RASSF6: variants seen among roughly 807,000 people sequenced by gnomAD.
RASSF6 encodes ras association domain-containing protein 6.
RASSF6 carries 52 observed loss-of-function variants against 44.0 expected under a neutral mutation model. The observed-to-expected ratio is 1.18, with a 90% confidence interval of 0.95 to 1.49. RASSF6 has a LOEUF of 1.49. RASSF6 is among the 40% of genes most tolerant of loss of function. The probability of loss-of-function intolerance (pLI) is 0.00; values close to 1 mark genes in which losing one functional copy is unlikely to be tolerated. For synonymous variants in RASSF6, 162 were observed against 124.6 expected, an observed-to-expected ratio of 1.30 and a Z score of -2.00; for missense variants, 464 against 393.3, an observed-to-expected ratio of 1.18 and a Z score of -1.52.
chr4:73,620,344 T>C lies in RASSF6; in HGVS notation c.-91A>G. On this transcript the variant is annotated 5_prime_UTR_variant, in exon 1 of 11. Transcript: ENST00000307439. ...TTTCACCATCGTTGTTCGGCTGAACTTGCTTCGCGGTTTGTTCTCGGCTGG... is the reference window on the plus strand; with the variant it reads ...TTTCACCATCGTTGTTCGGCTGAACCTGCTTCGCGGTTTGTTCTCGGCTGG... The C allele has an allele frequency of 6.7e-7, 1 of 1,489,426 alleles. No homozygotes were observed. The highest frequency in any genetic ancestry group is 8.9e-7 in the Non-Finnish European group (1 of 1,123,762). 92.3% of individuals were successfully genotyped at this position (1,489,426 alleles called of 1,614,324 possible).
At chr4:73,584,069 T>C (rs1404399943) in intron 6 of RASSF6, among the ~76,000 whole-genome samples, 1 of 152,082 alleles carries the variant, frequency 6.6e-6, no homozygotes, top group African/African-American at 2.4e-5. Context: ...ACAGGACAAT[T>C]GGTAGGTACC....
At position 73,571,995 on chromosome 4, in the gene RASSF6, T is replaced by TACA. The variant is rs1218297254; in HGVS notation, c.*4237_*4239dup. 1 of 152,156 alleles carries TACA rather than the reference T, an allele frequency of 6.6e-6. No homozygotes were observed. The highest frequency in any genetic ancestry group is 1.5e-5 in the Non-Finnish European group (1 of 68,028). 9.4% of individuals were successfully genotyped at this position (152,156 alleles called of 1,614,324 possible). ...AATTGCCCCAAATTTAGCGGCGTAC[T>TACA]ACAACAAACACTTCTTATCTCATAC... On this transcript the variant is annotated 3_prime_UTR_variant, in exon 11 of 11. Transcript: ENST00000307439.
chr4:73,615,479 G>C (rs1726297164), intron 1 of RASSF6, among the ~76,000 whole-genome samples: 1 of 152,190 alleles, frequency 6.6e-6, no homozygotes, highest in Non-Finnish European at 1.5e-5. Context: ...CTAGAAGCCT[G>C]GAGGTCTTAC....
intron 1 of RASSF6, among the ~76,000 whole-genome samples, chr4:73,618,678 C>G (rs1162445348): frequency 6.6e-6 from 1 of 152,112 alleles, no homozygotes; most frequent in Admixed American, 6.6e-5. Flanking sequence ...GTTTAGAATT[C>G]TATCCACAAT....
At chr4:73,601,789 T>C (rs1386029009) in intron 2 of RASSF6, among the ~76,000 whole-genome samples, 2 of 152,236 alleles carry the variant, frequency 1.3e-5, no homozygotes, top group Non-Finnish European at 2.9e-5. Context: ...TGTATGTCTG[T>C]AACATTCTAA....
At chr4:73,615,891 C>G in intron 1 of RASSF6, 1 of 1,550,294 alleles carries the variant, frequency 6.5e-7, no homozygotes, top group South Asian at 1.2e-5. Context: ...CTGGACTTAC[C>G]AGTTGCCTTG....
Position 73,593,172 on chromosome 4 carries a change from C to T in RASSF6, c.287+279G>A, listed in dbSNP as rs193279609. 1.3e-3 allele frequency among the ~76,000 whole-genome samples: 191 copies of T among 152,084 alleles called. 1 individual carries two copies. Among genetic ancestry groups the T allele is most frequent in the African/African-American group, 4.3e-3 (178 of 41,480 alleles). The stretch of plus-strand genomic sequence containing the variant: ...CTGGGATTACAGGCGGCTGCCACCA[C>T]GCCCAGCTAATTTTTGTATTTTTAG... On this transcript the variant is annotated intron_variant, in intron 4 of 10. Coordinates refer to ENST00000307439, the MANE Select transcript of RASSF6 (RefSeq NM_177532.5).
In RASSF6 at chr4:73,620,372, C is replaced by T; in HGVS notation, c.-119G>A. The T allele has an allele frequency of 2.6e-6, 4 of 1,522,394 alleles. No individual in the cohort carries two copies. Among genetic ancestry groups the T allele is most frequent in the Non-Finnish European group, 3.5e-6 (4 of 1,136,628 alleles). The allele number at this position is 1,522,394 out of a possible 1,614,324, so 94.3% of individuals were successfully genotyped here. On this transcript the variant is annotated 5_prime_UTR_variant, in exon 1 of 11. Coordinates refer to ENST00000307439, the MANE Select transcript of RASSF6 (RefSeq NM_177532.5). ...CTTCGCGGTTTGTTCTCGGCTGGGTCAGGAACTCTGGTAGAGGGAAACCAG... is the reference window on the plus strand; with the variant it reads ...CTTCGCGGTTTGTTCTCGGCTGGGTTAGGAACTCTGGTAGAGGGAAACCAG...
chr4:73,588,851 GCCAGGAACCATTAGGGACC>G (rs1724311001), intron 4 of RASSF6, among the ~76,000 whole-genome samples: 1 of 150,888 alleles, frequency 6.6e-6, no homozygotes, highest in Non-Finnish European at 1.5e-5. Flanking sequence ...TTCCTGATGG[GCCAGGAACCATTAGGGACC>G]CAAGGTGTTC....
chr4:73,609,194 C>A (rs1725846492), intron 2 of RASSF6, among the ~76,000 whole-genome samples: 1 of 152,122 alleles, frequency 6.6e-6, no homozygotes, highest in African/African-American at 2.4e-5. Context: ...TTAAACTTCT[C>A]CATTAATTTT....
chr4:73,594,364 T>G (rs1033533136), intron 3 of RASSF6, among the ~76,000 whole-genome samples: 3 of 152,238 alleles, frequency 2.0e-5, no homozygotes, highest in East Asian at 1.9e-4. Flanking sequence ...ATTAATATTA[T>G]GAAGAATCAA....
chr4:73,593,710 G>C lies in RASSF6; in HGVS notation c.145-117C>G, dbSNP rs909146911. ...AAACCTAAATAGATTAAAAAGAAAC[G>C]CCAGGGTTGTTGTTTGGCTTTCCAA... On this transcript the variant is annotated intron_variant, in intron 3 of 10. Coordinates refer to ENST00000307439, the MANE Select transcript of RASSF6 (RefSeq NM_177532.5). 69 of 945,574 alleles carry C rather than the reference G, an allele frequency of 7.3e-5. 1 individual carries two copies. In the Admixed American group the frequency reaches 1.7e-3, roughly 23 times the overall value. The allele number at this position is 945,574 out of a possible 1,614,324, so 58.6% of individuals were successfully genotyped here.
chr4:73,607,396 T>C (rs755082128), intron 2 of RASSF6, among the ~76,000 whole-genome samples: 5 of 152,226 alleles, frequency 3.3e-5, no homozygotes, highest in Non-Finnish European at 5.9e-5. Flanking sequence ...TAAGGATTTC[T>C]GGCAGATTTC....
intron 2 of RASSF6, among the ~76,000 whole-genome samples, chr4:73,610,038 T>G (rs570319953): frequency 6.6e-6 from 1 of 152,170 alleles, no homozygotes; most frequent in Non-Finnish European, 1.5e-5. Context: ...GAAATGCTTC[T>G]TATTCAATCT....
intron 2 of RASSF6, among the ~76,000 whole-genome samples, chr4:73,606,969 G>A (rs928276484): frequency 6.6e-6 from 1 of 152,140 alleles, no homozygotes; most frequent in African/African-American, 2.4e-5. Context: ...ACCTGAGCAC[G>A]AGCCTGAAAA....
Position 73,587,870 on chromosome 4 carries a change from G to C in RASSF6, c.352C>G (p.Pro118Ala). 6.2e-7 allele frequency: 1 copy of C among 1,608,572 alleles called. No individual in the cohort carries two copies. Among genetic ancestry groups the C allele is most frequent in the South Asian group, 1.1e-5 (1 of 90,542 alleles). The change falls in exon 5 of 11, where the codon CCT (proline) becomes GCT (alanine). Residue 118 changes from proline (P) to alanine (A), a missense_variant. Coordinates refer to ENST00000307439, the MANE Select transcript of RASSF6 (RefSeq NM_177532.5). ...RISELDRTQI[P>A]MSEKRNSQED... ...TGGGAATTCCTTTTTTCAGACATAG[G>C]AATCTGGGTCCTGTCCAGCTCACTA...
chr4:73,572,637 G>A lies in RASSF6; in HGVS notation c.*3598C>T, dbSNP rs998551045. On this transcript the variant is annotated 3_prime_UTR_variant, in exon 11 of 11. Transcript: ENST00000307439. ...CAAAGGAGAAGAATCAGACTTTATGGATATAAAACTACCACAGAAGTGATG... is the reference window on the plus strand; with the variant it reads ...CAAAGGAGAAGAATCAGACTTTATGAATATAAAACTACCACAGAAGTGATG... The A allele has an allele frequency of 4.6e-5, 7 of 152,100 alleles. No homozygotes were observed. The highest frequency in any genetic ancestry group is 3.9e-4 in the Admixed American group (6 of 15,262). 9.4% of individuals were successfully genotyped at this position (152,100 alleles called of 1,614,324 possible). A position where few individuals can be genotyped will look rare whatever the true frequency, so the allele number is the denominator to read the frequency against.
chr4:73,591,547 G>C (rs1394620758), intron 4 of RASSF6, among the ~76,000 whole-genome samples: 1 of 152,186 alleles, frequency 6.6e-6, no homozygotes, highest in Non-Finnish European at 1.5e-5. Flanking sequence ...GAGCCCAAGA[G>C]TAATTTTTCC....
chr4:73,607,651 T>A (rs1307105400), intron 2 of RASSF6, among the ~76,000 whole-genome samples: 1 of 152,172 alleles, frequency 6.6e-6, no homozygotes, highest in Admixed American at 6.5e-5. Flanking sequence ...ACCTGGGAAC[T>A]TAGACATGCA....
Sources: allele counts gnomAD v4.1 joint callset (sites outside exome capture counted in the v4.1 genomes callset), GRCh38; gene constraint gnomAD v4.1.1; transcripts MANE v1.5; gene names NCBI Gene and HGNC (gene_info 2026-07-23, HGNC 2026-07-21).